Variants in MEIS1 observed in about 807,000 individuals in gnomAD.
MEIS1 encodes Meis homeobox 1, also known as homeobox protein Meis1.
In MEIS1, 5 loss-of-function variants were observed where a neutral mutation model predicts 50.8. The ratio of observed to expected loss-of-function variants is 0.10; its 90% CI spans 0.05 to 0.21. MEIS1 has a LOEUF of 0.21. Among genes scored for constraint, MEIS1 ranks in the 10% least tolerant of loss-of-function variants. The pLI is 1.00. For missense variants in MEIS1, 318 were observed against 517.3 expected (o/e 0.61, Z 3.74); for synonymous variants, 176 against 179.3 (o/e 0.98, Z 0.15).
At chr2:66,525,249 A>C (rs1674222155) in intron 8 of MEIS1, among the ~76,000 whole-genome samples, 1 of 152,116 alleles carries the variant, frequency 6.6e-6, no homozygotes, top group Non-Finnish European at 1.5e-5. Flanking sequence ...ACAAACAAAC[A>C]AAAACAGTGC....
chr2:66,568,736 A>G lies in MEIS1; in HGVS notation c.1094A>G (p.His365Arg). 1.2e-6 allele frequency: 2 copies of G among 1,613,808 alleles called. No homozygotes were observed. Among genetic ancestry groups the G allele is most frequent in the Non-Finnish European group, 1.7e-6 (2 of 1,179,724 alleles). ...MGGFVMDGQQ[H>R]MGIRAPGPMS... Reference sequence around the variant, plus strand: ...GGTTTCGTAATGGACGGTCAGCAACATATGGGAATTAGAGCACCAGGTAAG... The same window carrying G: ...GGTTTCGTAATGGACGGTCAGCAACGTATGGGAATTAGAGCACCAGGTAAG... Residue 365 changes from histidine (H) to arginine (R), a missense_variant, in exon 11 of 13, where the codon CAT (histidine) becomes CGT (arginine). Coordinates refer to ENST00000272369, the MANE Select transcript of MEIS1 (RefSeq NM_002398.3).
At chr2:66,436,561 G>T (rs547606989) in intron 1 of MEIS1, among the ~76,000 whole-genome samples, 2 of 152,330 alleles carry the variant, frequency 1.3e-5, no homozygotes, top group South Asian at 2.1e-4. Flanking sequence ...TAAAAGAAAG[G>T]GGGTCTACAA....
chr2:66,481,625 CT>C (rs1335998927), intron 7 of MEIS1, among the ~76,000 whole-genome samples: 1 of 152,102 alleles, frequency 6.6e-6, no homozygotes, highest in Non-Finnish European at 1.5e-5. Flanking sequence ...TTGAGCATCT[CT>C]TTATTCTCAT....
intron 8 of MEIS1, among the ~76,000 whole-genome samples, chr2:66,521,647 G>A (rs1335624137): frequency 6.6e-6 from 1 of 152,136 alleles, no homozygotes; most frequent in African/African-American, 2.4e-5. Context: ...GGTAATGGTG[G>A]CATTTTAGTA....
chr2:66,561,839 G>C (rs1405604018), intron 9 of MEIS1, among the ~76,000 whole-genome samples: 1 of 152,088 alleles, frequency 6.6e-6, no homozygotes, highest in Admixed American at 6.6e-5. Flanking sequence ...AAACACGACG[G>C]GGGGTGAAGC....
At chr2:66,561,834 C>T (rs532411502) in intron 9 of MEIS1, among the ~76,000 whole-genome samples, 88 of 152,196 alleles carry the variant, frequency 5.8e-4, no homozygotes, top group African/African-American at 1.9e-3. Flanking sequence ...GCAAGAAACA[C>T]GACGGGGGGT....
chr2:66,450,365 C>T (rs1672249347), intron 6 of MEIS1, among the ~76,000 whole-genome samples: 1 of 152,128 alleles, frequency 6.6e-6, no homozygotes. Flanking sequence ...CTCAGCTAAT[C>T]CAGAGGCTGA....
intron 7 of MEIS1, among the ~76,000 whole-genome samples, chr2:66,504,917 A>C (rs1673651581): frequency 6.6e-6 from 1 of 152,138 alleles, no homozygotes; most frequent in African/African-American, 2.4e-5. Flanking sequence ...TTTTCCTTTG[A>C]TTAACTGGGA....
At chr2:66,448,997 ACTT>A (rs1339302278) in intron 6 of MEIS1, among the ~76,000 whole-genome samples, 1 of 152,104 alleles carries the variant, frequency 6.6e-6, no homozygotes, top group East Asian at 1.9e-4. Context: ...TCAAAGTACT[ACTT>A]TAATTTATGA....
chr2:66,498,466 A>C (rs748759244), intron 7 of MEIS1, among the ~76,000 whole-genome samples: 1 of 152,164 alleles, frequency 6.6e-6, no homozygotes, highest in Admixed American at 6.5e-5. Flanking sequence ...TACCTCCAAC[A>C]TAGGAGGCAA....
At chr2:66,456,065 T>TC (rs1672379972) in intron 6 of MEIS1, among the ~76,000 whole-genome samples, 1 of 152,136 alleles carries the variant, frequency 6.6e-6, no homozygotes, top group South Asian at 2.1e-4. Flanking sequence ...ATTCTTTTCC[T>TC]CCTCTCTACA....
intron 8 of MEIS1, among the ~76,000 whole-genome samples, chr2:66,539,131 C>T (rs1412993432): frequency 6.6e-6 from 1 of 152,158 alleles, no homozygotes; most frequent in African/African-American, 2.4e-5. Flanking sequence ...TTATGATCCA[C>T]CTGCCTTGGC....
At chr2:66,544,289 A>G (rs1422769220) in intron 8 of MEIS1, among the ~76,000 whole-genome samples, 1 of 152,096 alleles carries the variant, frequency 6.6e-6, no homozygotes, top group African/African-American at 2.4e-5. Flanking sequence ...TAAAAGAATA[A>G]CTCATACTGT....
chr2:66,441,428 A>G lies in MEIS1; in HGVS notation c.447A>G (p.Ile149Met). The change falls in exon 5 of 13, where the codon ATA becomes ATG. Residue 149 changes from isoleucine to methionine, a missense_variant. Around this residue, in one of 6 missense-constraint regions of MEIS1, gnomAD observed 75 missense variants for 153.7 expected, o/e 0.49. Coordinates refer to ENST00000272369, the MANE Select transcript of MEIS1 (RefSeq NM_002398.3). ...TATCTTTGCAGATGATTCAAGCCAT[A>G]CAAGTATTAAGGTTTCATCTATTGG... ...PELDNLMIQAIQVLRFHLLEL... is the reference protein window; with the variant it reads ...PELDNLMIQAMQVLRFHLLEL... 1.3e-6 allele frequency: 2 copies of G among 1,547,616 alleles called. No homozygotes were observed. The highest frequency in any genetic ancestry group is 1.7e-6 in the Non-Finnish European group (2 of 1,149,442).
intron 7 of MEIS1, among the ~76,000 whole-genome samples, chr2:66,473,864 C>G (rs1326765871): frequency 6.6e-6 from 1 of 152,132 alleles, no homozygotes; most frequent in Non-Finnish European, 1.5e-5. Flanking sequence ...CCTCTCCCCT[C>G]AACCCCGCAG....
chr2:66,501,311 G>A (rs1303004277), intron 7 of MEIS1, among the ~76,000 whole-genome samples: 1 of 152,026 alleles, frequency 6.6e-6, no homozygotes, highest in African/African-American at 2.4e-5. Context: ...AAAAAGATTG[G>A]GGGATTTCCA....
At chr2:66,561,366 C>T (rs1240483444) in intron 9 of MEIS1, among the ~76,000 whole-genome samples, 1 of 152,048 alleles carries the variant, frequency 6.6e-6, no homozygotes, top group Non-Finnish European at 1.5e-5. Flanking sequence ...TTGACAACTA[C>T]CTTCCAATGA....
At chr2:66,481,213 C>G (rs1673007673) in intron 7 of MEIS1, among the ~76,000 whole-genome samples, 2 of 152,168 alleles carry the variant, frequency 1.3e-5, no homozygotes, top group African/African-American at 4.8e-5. Context: ...CTTCCTACTA[C>G]TCACTGAAGG....
At chr2:66,539,608 G>A (rs957142936) in intron 8 of MEIS1, among the ~76,000 whole-genome samples, 4 of 152,148 alleles carry the variant, frequency 2.6e-5, no homozygotes, top group African/African-American at 4.8e-5. Context: ...TGGGTCTAGC[G>A]GCTGTTAACT....
Sources: allele counts gnomAD v4.1 joint callset (sites outside exome capture counted in the v4.1 genomes callset), GRCh38; gene constraint gnomAD v4.1.1; regional missense constraint gnomAD v4.1.1; transcripts MANE v1.5; gene names NCBI Gene and HGNC (gene_info 2026-07-23, HGNC 2026-07-21).